Variants in TRIM55 observed in about 807,000 individuals in gnomAD.
TRIM55 encodes the protein tripartite motif-containing protein 55.
Under a neutral mutation model 60.9 loss-of-function variants are expected in TRIM55, and 50 were observed. The observed-to-expected ratio is 0.82, with a 90% CI of 0.65 to 1.04. TRIM55 has a LOEUF of 1.04. TRIM55 is among the 50% of genes least tolerant of loss of function. The pLI is 0.00. For synonymous variants in TRIM55, 237 were observed against 238.1 expected, an observed-to-expected ratio of 1.00 and a Z score of 0.04; for missense variants, 681 against 666.9, an observed-to-expected ratio of 1.02 and a Z score of -0.23.
the TRIM55 span, chr8:66,114,705 A>G: frequency 2.2e-6 from 1 of 451,792 alleles, no homozygotes; most frequent in South Asian, 1.6e-5. Context: ...CCCCATCTCA[A>G]GTCCGCAGGG....
chr8:66,174,939 T>A lies in TRIM55; in HGVS notation c.*346T>A, dbSNP rs996649334. ...GTGGTCACTATGCTTTTGTCTCTCATAGGCACTGACTTTTTGTTATTATAT... is the reference window on the plus strand; with the variant it reads ...GTGGTCACTATGCTTTTGTCTCTCAAAGGCACTGACTTTTTGTTATTATAT... On this transcript the variant is annotated 3_prime_UTR_variant, in exon 10 of 10. Transcript: ENST00000315962. 6.2e-6 allele frequency: 1 copy of A among 162,344 alleles called. No individual in the cohort carries two copies. The highest frequency in any genetic ancestry group is 1.9e-4 in the East Asian group (1 of 5,346). 10.1% of individuals were successfully genotyped at this position (162,344 alleles called of 1,614,324 possible). A position where few individuals can be genotyped will look rare whatever the true frequency, so the allele number is the denominator to read the frequency against.
chr8:66,122,353 C>T (rs116779710), upstream of TRIM55, among the ~76,000 whole-genome samples: 1,311 of 152,252 alleles, frequency 8.6e-3, 21 homozygotes, highest in African/African-American at 0.03. Context: ...TCCCCCTCCC[C>T]GCTTCGAATC....
intron 2 of TRIM55, 125 bp downstream of exon 2, chr8:66,128,601 T>C (rs1187707235): frequency 2.8e-6 from 3 of 1,078,340 alleles, no homozygotes; most frequent in East Asian, 2.6e-5. Flanking sequence ...GAAAAATGGT[T>C]TTCCAAGTCA....
At chr8:66,113,854 G>T in the TRIM55 span, among the ~76,000 whole-genome samples, 2 of 152,220 alleles carry the variant, frequency 1.3e-5, no homozygotes, top group East Asian at 1.9e-4. Context: ...GAGGTGGGGG[G>T]TCCGCGGGAA....
intron 2 of TRIM55, among the ~76,000 whole-genome samples, chr8:66,129,072 G>C (rs1808994023): frequency 6.6e-6 from 1 of 152,150 alleles, no homozygotes; most frequent in Non-Finnish European, 1.5e-5. Context: ...AAAAAAAAGG[G>C]TGAAATTCAG....
intron 7 of TRIM55, among the ~76,000 whole-genome samples, chr8:66,151,211 G>A (rs1262439321): frequency 6.6e-6 from 1 of 152,144 alleles, no homozygotes; most frequent in Non-Finnish European, 1.5e-5. Context: ...CATAGAATAA[G>A]TCACAACCTG....
Position 66,132,460 on chromosome 8 carries a change from A to T in TRIM55, c.342-2530A>T, listed in dbSNP as rs527261885. Among the ~76,000 whole-genome samples, 135 of 152,332 alleles carry T rather than the reference A, an allele frequency of 8.9e-4. 1 individual carries two copies. Among genetic ancestry groups the T allele is most frequent in the Non-Finnish European group, 1.5e-3 (101 of 68,026 alleles). On this transcript the variant is annotated intron_variant, in intron 2 of 9. Transcript: ENST00000315962. The stretch of plus-strand genomic sequence containing the variant: ...CAAGCAAAACTCCATCTCAAAAAAA[A>T]TATCAGTTTGACTACAAAGTTACTA...
At chr8:66,153,956 T>TCAAACC (rs964788371) in intron 8 of TRIM55, 91 bp from the exon 9 acceptor site, 8 of 1,331,622 alleles carry the variant, frequency 6.0e-6, no homozygotes, top group Non-Finnish European at 8.1e-6. Flanking sequence ...CGCACAGTGT[T>TCAAACC]CAAACCCAAA....
At chr8:66,155,074 A>G (rs537703834) in intron 9 of TRIM55, among the ~76,000 whole-genome samples, 1 of 152,332 alleles carries the variant, frequency 6.6e-6, no homozygotes, top group African/African-American at 2.4e-5. Flanking sequence ...GTTCATGGTG[A>G]CTCCATACTC....
intron 8 of TRIM55, 31 bp downstream of exon 8, chr8:66,152,658 C>T (rs1355548002): frequency 6.3e-7 from 1 of 1,596,560 alleles, no homozygotes; most frequent in South Asian, 1.1e-5. Context: ...TTCTACAGGG[C>T]ACATGGGCGT....
At position 66,152,646 on chromosome 8, in the gene TRIM55, C is replaced by A. The variant is rs1810504522; in HGVS notation, c.1236+19C>A. 1 of 1,610,694 alleles carries A rather than the reference C, an allele frequency of 6.2e-7. No homozygotes were observed. The highest frequency in any genetic ancestry group is 8.5e-7 in the Non-Finnish European group (1 of 1,178,430). ...GACACAGGTAACCCCTCCTGAGTCT[C>A]TTTCTACAGGGCACATGGGCGTGTC... On this transcript the variant is annotated intron_variant, in intron 8 of 9. Coordinates refer to ENST00000315962, the MANE Select transcript of TRIM55 (RefSeq NM_184085.2).
chr8:66,153,961 C>T (rs1319954291), intron 8 of TRIM55, 86 bp from the exon 9 acceptor site: 1 of 1,379,852 alleles, frequency 7.2e-7, no homozygotes, highest in African/African-American at 1.5e-5. Context: ...AGTGTTCAAA[C>T]CCAAAGGGAA....
At chr8:66,169,534 A>G (rs1317312007) in intron 9 of TRIM55, among the ~76,000 whole-genome samples, 1 of 152,246 alleles carries the variant, frequency 6.6e-6, no homozygotes, top group Non-Finnish European at 1.5e-5. Context: ...TTCTGTTAAG[A>G]GCAGTAAGAT....
chr8:66,172,634 T>C (rs1202269805), intron 9 of TRIM55, among the ~76,000 whole-genome samples: 2 of 152,220 alleles, frequency 1.3e-5, no homozygotes, highest in Non-Finnish European at 2.9e-5. Context: ...CAAAAATTTA[T>C]ACATATTCCA....
chr8:66,132,390 GT>G (rs1809212788), intron 2 of TRIM55, among the ~76,000 whole-genome samples: 1 of 152,194 alleles, frequency 6.6e-6, no homozygotes, highest in Admixed American at 6.5e-5. Flanking sequence ...GAAGGTGGAG[GT>G]TGCGGTGAGC....
upstream of TRIM55, among the ~76,000 whole-genome samples, chr8:66,122,248 C>T (rs990143694): frequency 6.6e-6 from 1 of 152,134 alleles, no homozygotes; most frequent in Non-Finnish European, 1.5e-5. Context: ...TCAAAGTCAC[C>T]CCTCTGCTCA....
At chr8:66,133,905 A>G (rs1809321031) in intron 2 of TRIM55, among the ~76,000 whole-genome samples, 1 of 152,170 alleles carries the variant, frequency 6.6e-6, no homozygotes, top group East Asian at 1.9e-4. Flanking sequence ...ATATATATAC[A>G]CACACATATG....
chr8:66,135,190 C>G, intron 3 of TRIM55, 35 bp downstream of exon 3: 1 of 1,610,968 alleles, frequency 6.2e-7, no homozygotes, highest in Non-Finnish European at 8.5e-7. Context: ...CGCAACCCCT[C>G]CCCATCCCCA....
At chr8:66,163,811 A>C (rs1409399611) in intron 9 of TRIM55, among the ~76,000 whole-genome samples, 1 of 152,210 alleles carries the variant, frequency 6.6e-6, no homozygotes, top group African/African-American at 2.4e-5. Flanking sequence ...GTGTTGTTTA[A>C]GTCTACTATG....
Sources: gnomAD v4.1 joint callset for allele counts (sites outside exome capture counted in the v4.1 genomes callset) on GRCh38, gnomAD v4.1.1 for gene constraint, MANE v1.5 for transcripts, NCBI Gene and HGNC (gene_info 2026-07-23, HGNC 2026-07-21) for gene names.